MYO3A: variants seen among roughly 807,000 people sequenced by gnomAD.
The protein encoded by MYO3A is myosin IIIA, also known as myosin-IIIa.
In MYO3A, 180 loss-of-function variants were observed where a neutral mutation model predicts 192.7. That is an observed-to-expected ratio of 0.93 (90% confidence interval 0.83 to 1.06). The LOEUF is 1.06. Among genes scored for constraint, MYO3A ranks in the 50% least tolerant of loss-of-function variants. MYO3A has a pLI of 0.00. For synonymous variants in MYO3A, 628 were observed against 645.3 expected (o/e 0.97, Z 0.41); for missense variants, 1,896 against 1,905.0 (o/e 1.00, Z 0.09).
intron 2 of MYO3A, among the ~76,000 whole-genome samples, chr10:25,941,843 TG>T (rs1449861732): frequency 6.6e-6 from 1 of 152,182 alleles, no homozygotes; most frequent in African/African-American, 2.4e-5. Context: ...CTCATATGAG[TG>T]GAATCATATA....
At chr10:25,986,249 A>G (rs908016006) in intron 4 of MYO3A, among the ~76,000 whole-genome samples, 1 of 152,238 alleles carries the variant, frequency 6.6e-6, no homozygotes, top group Non-Finnish European at 1.5e-5. Flanking sequence ...AGCCAACATT[A>G]TACTGAACAG....
At chr10:25,992,688 A>C (rs953485063) in intron 4 of MYO3A, among the ~76,000 whole-genome samples, 12 of 152,100 alleles carry the variant, frequency 7.9e-5, no homozygotes, top group East Asian at 1.9e-4. Flanking sequence ...TCCCATCAAT[A>C]CCTAATTTAT....
At chr10:26,179,089 ATTTTTTTTTTTT>A (rs59025321) in intron 31 of MYO3A, among the ~76,000 whole-genome samples, 4 of 66,140 alleles carry the variant, frequency 6.0e-5, no homozygotes, top group Non-Finnish European at 5.1e-5. Context: ...GCCCAGCCTA[ATTTTTTTTTTTT>A]TTTTTTTTTT....
At chr10:26,085,833 G>A (rs1473747519) in intron 14 of MYO3A, among the ~76,000 whole-genome samples, 2 of 152,220 alleles carry the variant, frequency 1.3e-5, no homozygotes, top group African/African-American at 4.8e-5. Context: ...TTTCCTTGCA[G>A]GGAGCTGTCC....
chr10:26,052,355 G>A (rs1844054770), intron 10 of MYO3A, among the ~76,000 whole-genome samples: 1 of 152,126 alleles, frequency 6.6e-6, no homozygotes, highest in East Asian at 1.9e-4. Flanking sequence ...GAATGAAGAG[G>A]GCAATTAAGA....
intron 4 of MYO3A, among the ~76,000 whole-genome samples, chr10:25,992,078 G>T (rs536728610): frequency 6.6e-6 from 1 of 152,094 alleles, no homozygotes; most frequent in African/African-American, 2.4e-5. Context: ...GATGGGGATG[G>T]CACTGAATCT....
chr10:26,118,942 T>G (rs1588987518), intron 17 of MYO3A, among the ~76,000 whole-genome samples: 1 of 152,172 alleles, frequency 6.6e-6, no homozygotes, highest in South Asian at 2.1e-4. Context: ...CCAAGCTCTT[T>G]CTGTTGGCCC....
chr10:25,939,690 A>G (rs115035730), intron 2 of MYO3A, among the ~76,000 whole-genome samples: 1,708 of 151,846 alleles, frequency 0.011, 38 homozygotes, highest in African/African-American at 0.037. Flanking sequence ...GAGTGTATCT[A>G]TTCTTTTTTG....
intron 8 of MYO3A, chr10:26,022,643 A>G (rs974696919): frequency 9.2e-5 from 14 of 152,190 alleles, no homozygotes; most frequent in Admixed American, 8.5e-4. Flanking sequence ...AATCCAAGAC[A>G]TTTCATTAAT....
At chr10:26,087,349 G>A (rs1012252069) in intron 14 of MYO3A, among the ~76,000 whole-genome samples, 1 of 152,074 alleles carries the variant, frequency 6.6e-6, no homozygotes, top group Non-Finnish European at 1.5e-5. Context: ...AAATTCTAAT[G>A]TAGTCTATGT....
Position 26,157,303 on chromosome 10 carries a change from A to C in MYO3A, c.2794-7A>C. 1 of 1,613,448 alleles carries C rather than the reference A, an allele frequency of 6.2e-7. No individual in the cohort carries two copies. Among genetic ancestry groups the C allele is most frequent in the Non-Finnish European group, 8.5e-7 (1 of 1,179,426 alleles). ...ATTGGGAAATTTATTTTTGTTGTGT[A>C]TTATAGTATTCCCTGATGGATTTGT... On this transcript the variant is annotated splice_region_variant and splice_polypyrimidine_tract_variant and intron_variant, in intron 25 of 34. Transcript: ENST00000642920.
chr10:26,050,545 T>G (rs1843930207), intron 10 of MYO3A, among the ~76,000 whole-genome samples: 1 of 152,258 alleles, frequency 6.6e-6, no homozygotes, highest in Non-Finnish European at 1.5e-5. Flanking sequence ...CTTGTGTCTA[T>G]GCTTTTACTT....
intron 10 of MYO3A, among the ~76,000 whole-genome samples, chr10:26,046,768 A>AT (rs2131259942): frequency 6.6e-6 from 1 of 152,366 alleles, no homozygotes; most frequent in African/African-American, 2.4e-5. Flanking sequence ...ATATAAATAC[A>AT]TTCAGTAAAT....
At chr10:25,974,832 A>T (rs1446445942) in intron 4 of MYO3A, among the ~76,000 whole-genome samples, 1 of 152,196 alleles carries the variant, frequency 6.6e-6, no homozygotes, top group Non-Finnish European at 1.5e-5. Context: ...TGGAAACAAG[A>T]GTCCTAGAAA....
At chr10:26,003,470 G>A (rs76009454) in intron 6 of MYO3A, among the ~76,000 whole-genome samples, 5 of 151,952 alleles carry the variant, frequency 3.3e-5, no homozygotes, top group South Asian at 4.2e-4. Flanking sequence ...TTATGAATAC[G>A]GCCTTTAAGA....
chr10:26,110,014 A>G (rs1277119239), intron 17 of MYO3A, among the ~76,000 whole-genome samples: 1 of 152,190 alleles, frequency 6.6e-6, no homozygotes, highest in African/African-American at 2.4e-5. Flanking sequence ...TTATAAGGAC[A>G]ACAAGAAAGT....
At chr10:26,151,061 T>G (rs1016876795) in intron 23 of MYO3A, among the ~76,000 whole-genome samples, 2 of 152,180 alleles carry the variant, frequency 1.3e-5, no homozygotes, top group African/African-American at 4.8e-5. Flanking sequence ...TTAATCCATT[T>G]AACTTTATTG....
intron 34 of MYO3A, among the ~76,000 whole-genome samples, chr10:26,203,806 C>T (rs1227503458): frequency 2.0e-5 from 3 of 152,112 alleles, no homozygotes; most frequent in African/African-American, 7.2e-5. Context: ...TCCTCAGAAC[C>T]CTCACCCATT....
chr10:26,010,000 G>C (rs1195421917), intron 6 of MYO3A, among the ~76,000 whole-genome samples: 1 of 152,172 alleles, frequency 6.6e-6, no homozygotes, highest in East Asian at 1.9e-4. Context: ...CTAAGGTCCA[G>C]TACTGGACAT....
Sources: gnomAD v4.1 joint callset for allele counts (sites outside exome capture counted in the v4.1 genomes callset) on GRCh38, gnomAD v4.1.1 for gene constraint, MANE v1.5 for transcripts, NCBI Gene and HGNC (gene_info 2026-07-23, HGNC 2026-07-21) for gene names.